UBXN11: variants seen among roughly 807,000 people sequenced by gnomAD.
The protein encoded by UBXN11 is UBX domain protein 11.
UBXN11 carries 47 observed loss-of-function variants against 62.8 expected under a neutral mutation model. The ratio of observed to expected loss-of-function variants is 0.75; its 90% confidence interval spans 0.59 to 0.95. The LOEUF is 0.95. Ranked by LOEUF, UBXN11 falls within the 40% of genes least tolerant of loss-of-function variation. UBXN11 has a pLI of 0.00. For synonymous variants in UBXN11, 294 were observed against 267.0 expected (o/e 1.10, Z -0.99); for missense variants, 638 against 661.7 (o/e 0.96, Z 0.39).
chr1:26,295,271 C>T (rs2073365844), intron 7 of UBXN11, among the ~76,000 whole-genome samples: 3 of 152,090 alleles, frequency 2.0e-5, no homozygotes, highest in Admixed American at 6.5e-5. Flanking sequence ...CCAATGCAGC[C>T]TGGAACCCAT....
upstream of UBXN11, among the ~76,000 whole-genome samples, chr1:26,310,202 A>G (rs1192791925): frequency 1.3e-5 from 2 of 152,176 alleles, no homozygotes; most frequent in African/African-American, 4.8e-5. Flanking sequence ...GGAGTTCGAG[A>G]CCAGCCTGGC....
intron 2 of UBXN11, 126 bp downstream of exon 2, chr1:26,302,687 C>A: frequency 9.7e-7 from 1 of 1,032,794 alleles, no homozygotes; most frequent in Non-Finnish European, 1.4e-6. Context: ...AGACAGTGGT[C>A]AGGGAAGGCT....
chr1:26,302,946 G>A, intron 1 of UBXN11, 28 bp from the exon 2 acceptor site: 1 of 1,534,902 alleles, frequency 6.5e-7, no homozygotes, highest in South Asian at 1.1e-5. Context: ...GTCAGCCCCT[G>A]GGGACAGACT....
chr1:26,318,038 C>T, intron 1 of UBXN11: 1 of 1,614,200 alleles, frequency 6.2e-7, no homozygotes, highest in Non-Finnish European at 8.5e-7. Flanking sequence ...TCCTCTTCCT[C>T]CTACTCACCA....
chr1:26,286,946 G>A (rs1349895373), intron 8 of UBXN11, among the ~76,000 whole-genome samples: 2 of 152,132 alleles, frequency 1.3e-5, no homozygotes, highest in African/African-American at 2.4e-5. Context: ...TGATCCGCCC[G>A]CCTTGGCATC....
At chr1:26,295,144 C>T (rs2073362929) in intron 7 of UBXN11, among the ~76,000 whole-genome samples, 1 of 152,138 alleles carries the variant, frequency 6.6e-6, no homozygotes, top group Non-Finnish European at 1.5e-5. Context: ...CTCTTGTCCC[C>T]CTGTCAAACC....
chr1:26,314,310 C>A (rs1436573887), intron 1 of UBXN11, among the ~76,000 whole-genome samples: 1 of 152,122 alleles, frequency 6.6e-6, no homozygotes, highest in African/African-American at 2.4e-5. Flanking sequence ...CGTGGTCCAA[C>A]CCAAAGCCTA....
intron 5 of UBXN11, 126 bp from the exon 6 acceptor site, chr1:26,297,607 C>T (rs2073424967): frequency 1.7e-6 from 2 of 1,172,166 alleles, no homozygotes; most frequent in Non-Finnish European, 2.3e-6. Flanking sequence ...CCCTTTGGCA[C>T]AGCCACTTCT....
intron 8 of UBXN11, among the ~76,000 whole-genome samples, chr1:26,289,678 C>A (rs1025600751): frequency 3.3e-5 from 5 of 152,180 alleles, no homozygotes; most frequent in Non-Finnish European, 7.3e-5. Context: ...GACGGGGCGG[C>A]AAATGGCGAC....
chr1:26,301,150 CA>C lies in UBXN11; in HGVS notation c.101-127del. The C allele has an allele frequency of 2.0e-6, 3 of 1,536,716 alleles. No homozygotes were observed. The East Asian group carries it at 6.9e-5, about 36-fold the overall frequency. On this transcript the variant is annotated intron_variant, in intron 3 of 14. Coordinates refer to ENST00000374222, the MANE Select transcript of UBXN11 (RefSeq NM_001389556.1). Reference sequence around the variant, plus strand: ...CCAGGGAGTTTGAGGAGAGAGAATTCACAAGGCTGGGGAGCAAGGATCCAAC... The same window carrying C: ...CCAGGGAGTTTGAGGAGAGAGAATTCCAAGGCTGGGGAGCAAGGATCCAAC...
intron 8 of UBXN11, among the ~76,000 whole-genome samples, chr1:26,289,686 G>A (rs918091352): frequency 3.3e-5 from 5 of 152,160 alleles, no homozygotes; most frequent in Admixed American, 6.5e-5. Context: ...GGCAAATGGC[G>A]ACAATGGCAT....
intron 8 of UBXN11, 68 bp from the exon 9 acceptor site, chr1:26,286,105 GT>G: frequency 7.0e-7 from 1 of 1,434,276 alleles, no homozygotes; most frequent in Admixed American, 2.3e-5. Context: ...CCTAGCCTCT[GT>G]GGCTCCCTCC....
At chr1:26,310,558 G>A (rs2073731403), upstream of UBXN11, among the ~76,000 whole-genome samples, 1 of 146,260 alleles carries the variant, frequency 6.8e-6, no homozygotes, top group Non-Finnish European at 1.5e-5. Flanking sequence ...AAGAAAGAAA[G>A]AAAAGAAAGA....
rs571644897 is a variant in UBXN11 at position 26,304,915 on chromosome 1, C to T, written c.-36+1677G>A. On this transcript the variant is annotated intron_variant, in intron 1 of 14. Transcript: ENST00000374222. ...CTGCCTCAACCTCAATCCCCCCACT[C>T]CCAGAACGGTCTCCCCACTCCTACC... Among the ~76,000 whole-genome samples the T allele has an allele frequency of 2.0e-5, 3 of 151,522 alleles. No individual in the cohort carries two copies. In the South Asian group the frequency reaches 6.3e-4, roughly 32 times the overall value.
intron 10 of UBXN11, chr1:26,285,214 TA>T: frequency 7.7e-7 from 1 of 1,297,400 alleles, no homozygotes; most frequent in African/African-American, 1.5e-5. Context: ...TGGGGAGGAC[TA>T]GAAGGCAGGG....
At position 26,285,544 on chromosome 1, in the gene UBXN11, G is replaced by A; in HGVS notation, c.775-3C>T. ...TCCAATATGTCTCGGAGGCAGCGCT[G>A]CAAGGGAAGAGGAAAAGTGAGGGGG... On this transcript the variant is annotated splice_region_variant and splice_polypyrimidine_tract_variant and intron_variant, in intron 9 of 14. Coordinates refer to ENST00000374222, the MANE Select transcript of UBXN11 (RefSeq NM_001389556.1). 1 of 1,574,884 alleles carries A rather than the reference G, an allele frequency of 6.3e-7. No individual in the cohort carries two copies. Among genetic ancestry groups the A allele is most frequent in the Non-Finnish European group, 8.7e-7 (1 of 1,155,532 alleles).
chr1:26,297,961 C>T lies in UBXN11; in HGVS notation c.300+1G>A. The T allele has an allele frequency of 6.2e-7, 1 of 1,613,500 alleles. No homozygotes were observed. The highest frequency in any genetic ancestry group is 8.5e-7 in the Non-Finnish European group (1 of 1,179,746). On this transcript the variant is annotated splice_donor_variant, in intron 5 of 14. Coordinates refer to ENST00000374222, the MANE Select transcript of UBXN11 (RefSeq NM_001389556.1). LOFTEE classifies it high-confidence loss of function. ...TGGCCCTCTCCCACCTGGAGCCCCA[C>T]CTTGGACAGTATCTCATCAGTCTGG...
upstream of UBXN11, among the ~76,000 whole-genome samples, chr1:26,308,513 T>A (rs944513375): frequency 6.6e-6 from 1 of 152,076 alleles, no homozygotes; most frequent in Non-Finnish European, 1.5e-5. Flanking sequence ...GGGCGGAAAG[T>A]GTGACTGGAG....
At position 26,282,772 on chromosome 1, in the gene UBXN11, T is replaced by C; in HGVS notation, c.1169A>G (p.Asn390Ser). The change falls in exon 14 of 15, where the codon AAC becomes AGC. Residue 390 changes from asparagine (N) to serine (S), a missense_variant. Physicochemically the swap from Asn to Ser is conservative, Grantham distance 46. Coordinates refer to ENST00000374222, the MANE Select transcript of UBXN11 (RefSeq NM_001389556.1). ...CATGGAGAGCGGGGGTGCCGGCGTG[T>C]TGGGTGACTCCTGGCTCCTGCACAG... is the stretch of plus-strand genomic sequence containing the variant. The part of the protein sequence containing the change: ...AERERSQESP[N>S]TPAPPLSMLR... The C allele has an allele frequency of 6.2e-7, 1 of 1,614,116 alleles. No individual in the cohort carries two copies. The highest frequency in any genetic ancestry group is 8.5e-7 in the Non-Finnish European group (1 of 1,180,012).
Sources: gnomAD v4.1 joint callset for allele counts (sites outside exome capture counted in the v4.1 genomes callset) on GRCh38, gnomAD v4.1.1 for gene constraint, MANE v1.5 for transcripts, NCBI Gene and HGNC (gene_info 2026-07-23, HGNC 2026-07-21) for gene names.